NEDD9: variants seen among roughly 807,000 people sequenced by gnomAD.
NEDD9 encodes enhancer of filamentation 1.
Under a neutral mutation model 76.6 loss-of-function variants are expected in NEDD9, and 26 were observed. The observed-to-expected ratio is 0.34, with a 90% confidence interval of 0.25 to 0.47. NEDD9 has a LOEUF of 0.47. Among genes scored for constraint, NEDD9 ranks in the 20% least tolerant of loss-of-function variants. The probability of loss-of-function intolerance (pLI) is 1.00; values close to 1 mark genes in which losing one functional copy is unlikely to be tolerated. For synonymous variants in NEDD9, 392 were observed against 414.2 expected (o/e 0.95, Z 0.65); for missense variants, 937 against 1,058.5 (o/e 0.89, Z 1.59).
At chr6:11,290,906 C>T (rs1298966104) in intron 3 of NEDD9, among the ~76,000 whole-genome samples, 2 of 152,150 alleles carry the variant, frequency 1.3e-5, no homozygotes, top group African/African-American at 4.8e-5. Context: ...GTTGATGATG[C>T]GATTGAGTGC....
At chr6:11,357,499 A>G (rs968281475) in intron 1 of NEDD9, among the ~76,000 whole-genome samples, 3 of 152,244 alleles carry the variant, frequency 2.0e-5, no homozygotes, top group African/African-American at 7.2e-5. Context: ...ACTGACCATT[A>G]TTAACCTCTA....
intron 6 of NEDD9, 54 bp downstream of exon 6, chr6:11,188,164 G>T: frequency 7.7e-7 from 1 of 1,306,714 alleles, no homozygotes; most frequent in Non-Finnish European, 1.1e-6. Context: ...TTTCCTTAGT[G>T]CTAGGTGGGA....
In NEDD9 at chr6:11,185,029, C is replaced by G. The variant is rs1757940224; in HGVS notation, c.*133G>C. On this transcript the variant is annotated 3_prime_UTR_variant, in exon 7 of 7. Transcript: ENST00000379446. ...CCCTGAATTTCTGAAAGTTGACTGA[C>G]CCATAAAATGTTAAAATATTTCATT... The G allele has an allele frequency of 8.6e-7, 1 of 1,168,328 alleles. No individual in the cohort carries two copies. The highest frequency in any genetic ancestry group is 1.2e-6 in the Non-Finnish European group (1 of 864,070). The allele number at this position is 1,168,328 out of a possible 1,614,324, so 72.4% of individuals were successfully genotyped here. A position where few individuals can be genotyped will look rare whatever the true frequency, so the allele number is the denominator to read the frequency against.
chr6:11,360,409 G>C (rs1762657651), intron 1 of NEDD9, among the ~76,000 whole-genome samples: 1 of 152,182 alleles, frequency 6.6e-6, no homozygotes, highest in South Asian at 2.1e-4. Flanking sequence ...CACTTAGCCA[G>C]GTGACATGGT....
rs755041985 is a variant in NEDD9 at position 11,296,669 on chromosome 6, CCTTT to C, written c.12+9319_12+9322del. On this transcript the variant is annotated intron_variant, in intron 3 of 3. Coordinates refer to the NEDD9 transcript ENST00000397378. ...TTCCTTCCTTCCTTTCCTTTCCTTT[CCTTT>C]CCTTTCCCTTCCTTCCTTCCTTCCT... Among the ~76,000 whole-genome samples, 314 of 124,336 alleles carry C rather than the reference CCTTT, an allele frequency of 2.5e-3. 2 individuals carry two copies. The highest frequency in any genetic ancestry group is 6.2e-3 in the African/African-American group (189 of 30,336). 81.6% of individuals were successfully genotyped at this position (124,336 alleles called of 152,430 possible).
intron 2 of NEDD9, among the ~76,000 whole-genome samples, chr6:11,326,094 C>T (rs934441325): frequency 8.7e-5 from 13 of 149,976 alleles, no homozygotes; most frequent in Non-Finnish European, 1.6e-4. Flanking sequence ...TGCAGTGAAC[C>T]GAGATCTTAC....
Position 11,341,755 on chromosome 6 carries a change from G to A in NEDD9, c.-213-7194C>T, listed in dbSNP as rs146812805. On this transcript the variant is annotated intron_variant, in intron 1 of 3. Coordinates refer to the NEDD9 transcript ENST00000397378. ...GCTTCTACAATGTAACATTCACAAT[G>A]CCCAGTATTCAATGATAAATCACTA... is the stretch of plus-strand genomic sequence containing the variant. Among the ~76,000 whole-genome samples the A allele has an allele frequency of 3.5e-4, 53 of 152,164 alleles. No individual in the cohort carries two copies. In the East Asian group the frequency reaches 9.1e-3, roughly 26 times the overall value.
At chr6:11,228,122 T>A (rs1759362745) in intron 1 of NEDD9, among the ~76,000 whole-genome samples, 4 of 147,596 alleles carry the variant, frequency 2.7e-5, no homozygotes, top group African/African-American at 7.6e-5. Context: ...GAGTAGGGGG[T>A]TGGAAGTAAG....
chr6:11,305,713 T>A (rs1188492007), intron 3 of NEDD9: 1 of 459,084 alleles, frequency 2.2e-6, no homozygotes, highest in East Asian at 3.8e-5. Context: ...TCGGGCACCA[T>A]TATGTTAAGT....
intron 2 of NEDD9, among the ~76,000 whole-genome samples, chr6:11,206,232 A>G (rs1430386478): frequency 3.3e-5 from 5 of 152,020 alleles, no homozygotes; most frequent in African/African-American, 4.8e-5. Flanking sequence ...CAGCCTGACC[A>G]ATATGATGAA....
upstream of NEDD9, among the ~76,000 whole-genome samples, chr6:11,234,941 A>G (rs1236484869): frequency 6.6e-6 from 1 of 152,062 alleles, no homozygotes; most frequent in Non-Finnish European, 1.5e-5. Context: ...CGAACTCCTG[A>G]CCTCAGGTGA....
intron 3 of NEDD9, among the ~76,000 whole-genome samples, chr6:11,261,090 G>A (rs1380870932): frequency 6.6e-6 from 1 of 152,138 alleles, no homozygotes; most frequent in Non-Finnish European, 1.5e-5. Context: ...GATGTTTTGT[G>A]GCTCCCAGCA....
intron 1 of NEDD9, among the ~76,000 whole-genome samples, chr6:11,339,606 C>T (rs1000513317): frequency 1.3e-5 from 2 of 152,220 alleles, no homozygotes; most frequent in Admixed American, 1.3e-4. Context: ...CTCTGATGAG[C>T]TATGCTAAAA....
intron 2 of NEDD9, among the ~76,000 whole-genome samples, chr6:11,306,697 C>T (rs531284030): frequency 6.6e-6 from 1 of 152,308 alleles, no homozygotes; most frequent in African/African-American, 2.4e-5. Context: ...TTTGAAGCCA[C>T]AAGATGTGCC....
intron 1 of NEDD9, among the ~76,000 whole-genome samples, chr6:11,222,622 C>A (rs1197393338): frequency 6.6e-6 from 1 of 152,180 alleles, no homozygotes; most frequent in Non-Finnish European, 1.5e-5. Context: ...CTTAAAGACC[C>A]AGCTCTAAAT....
Position 11,368,915 on chromosome 6 carries a change from C to T in NEDD9, c.-214+13224G>A, listed in dbSNP as rs145770027. Among the ~76,000 whole-genome samples, 9 of 152,266 alleles carry T rather than the reference C, an allele frequency of 5.9e-5. No homozygotes were observed. In the East Asian group the frequency reaches 1.5e-3, roughly 26 times the overall value. ...AATGTGTCAGATACCACTTTAGGTG[C>T]TGTGTGTGTGTTGACTCATGTAACA... On this transcript the variant is annotated intron_variant, in intron 1 of 3. Transcript: ENST00000397378.
At chr6:11,310,660 A>G (rs964334895) in intron 2 of NEDD9, among the ~76,000 whole-genome samples, 2 of 152,194 alleles carry the variant, frequency 1.3e-5, no homozygotes, top group South Asian at 2.1e-4. Context: ...GCTACATTGA[A>G]TGGGGCCTAG....
rs1187400281 is a variant in NEDD9, at chr6:11,188,332, ATAT to A, written c.1906-28_1906-26del. The stretch of plus-strand genomic sequence containing the variant: ...CCTGTTAATTTTCAACATAAAGAAC[ATAT>A]TATGTCATCACTGTGATTCACTTAT... On this transcript the variant is annotated intron_variant, in intron 5 of 6. Coordinates refer to ENST00000379446, the MANE Select transcript of NEDD9 (RefSeq NM_006403.4). The A allele has an allele frequency of 2.6e-6, 4 of 1,527,096 alleles. No homozygotes were observed. In the African/African-American group the frequency reaches 5.5e-5, roughly 21 times the overall value. The allele number at this position is 1,527,096 out of a possible 1,614,324, so 94.6% of individuals were successfully genotyped here.
intron 2 of NEDD9, among the ~76,000 whole-genome samples, chr6:11,307,592 G>T (rs1761226584): frequency 6.6e-6 from 1 of 151,960 alleles, no homozygotes; most frequent in Non-Finnish European, 1.5e-5. Flanking sequence ...TCTCAGAGCT[G>T]ATTTGTCTAT....
Sources: gnomAD v4.1 joint callset for allele counts (sites outside exome capture counted in the v4.1 genomes callset) on GRCh38, gnomAD v4.1.1 for gene constraint, MANE v1.5 for transcripts, NCBI Gene and HGNC (gene_info 2026-07-23, HGNC 2026-07-21) for gene names.